The following P2RX7 variants were observed in gnomAD, a reference collection of about 807,000 sequenced individuals.
P2RX7 encodes the protein P2X purinoceptor 7.
P2RX7 carries 62 observed loss-of-function variants against 71.6 expected under a neutral mutation model. The ratio of observed to expected loss-of-function variants is 0.87; its 90% CI spans 0.71 to 1.07. P2RX7 has a LOEUF of 1.07. Ranked by LOEUF, P2RX7 falls within the 50% of genes least tolerant of loss-of-function variation. P2RX7 has a pLI of 0.00. For synonymous variants in P2RX7, 299 were observed against 283.3 expected, an observed-to-expected ratio of 1.06 and a Z score of -0.56; for missense variants, 686 against 748.5, an observed-to-expected ratio of 0.92 and a Z score of 0.97.
In P2RX7 at chr12:121,149,375, T is replaced by C. The variant is rs1876916518; in HGVS notation, c.126-5410T>C. Reference sequence around the variant, plus strand: ...AAAGACATACCCAAGACCAGGTAATTTATAAAGGAAAGAGGTTTAATGGGC... The same window carrying C: ...AAAGACATACCCAAGACCAGGTAATCTATAAAGGAAAGAGGTTTAATGGGC... On this transcript the variant is annotated intron_variant, in intron 1 of 12. Coordinates refer to ENST00000328963, the MANE Select transcript of P2RX7 (RefSeq NM_002562.6). This position sits in a 1 kb window ranked among gnomAD's most constrained non-coding sequence, Gnocchi z 4.7. Among the ~76,000 whole-genome samples the C allele has an allele frequency of 6.6e-6, 1 of 152,122 alleles. No individual in the cohort carries two copies. Among genetic ancestry groups the C allele is most frequent in the Admixed American group, 6.5e-5 (1 of 15,272 alleles).
rs1881361964 is a variant in P2RX7 at position 121,167,609 on chromosome 12, C to T, written c.866C>T (p.Pro289Leu). 1 of 1,587,218 alleles carries T rather than the reference C, an allele frequency of 6.3e-7. No individual in the cohort carries two copies. Reference sequence around the variant, plus strand: ...AAGACCACCAACGTGTCCTTGTACCCTGGCTACAACTTCAGGTAACTCCAA... The same window carrying T: ...AAGACCACCAACGTGTCCTTGTACCTTGGCTACAACTTCAGGTAACTCCAA... Reference protein sequence around the residue: ...DDKTTNVSLYPGYNFRYAKYY... With the variant: ...DDKTTNVSLYLGYNFRYAKYY... Residue 289 changes from proline (P) to leucine (L), a missense_variant, in exon 8 of 13, where the codon CCT becomes CTT. Pro to Leu is a moderately conservative substitution (Grantham distance 98). Transcript: ENST00000328963.
At chr12:121,172,833 CT>C (rs1326355381) in intron 8 of P2RX7, among the ~76,000 whole-genome samples, 1 of 152,196 alleles carries the variant, frequency 6.6e-6, no homozygotes, top group Non-Finnish European at 1.5e-5. Flanking sequence ...ATGTTTCTTA[CT>C]ATTTTTTGGC....
In P2RX7 at chr12:121,146,287, CTTTTTTTTTTTTT is replaced by C. The variant is rs35415599; in HGVS notation, c.126-8481_126-8469del. On this transcript the variant is annotated intron_variant, in intron 1 of 12. Coordinates refer to ENST00000328963, the MANE Select transcript of P2RX7 (RefSeq NM_002562.6). ...CCATCCTCTTATTTGTCAAGCCTCTCTTTTTTTTTTTTTTTTTTTTTTTTTTTTTGAGGAGTCT... is the reference window on the plus strand; with the variant it reads ...CCATCCTCTTATTTGTCAAGCCTCTCTTTTTTTTTTTTTTTTGAGGAGTCT... Among the ~76,000 whole-genome samples the C allele has an allele frequency of 1.9e-4, 15 of 80,482 alleles. 1 individual carries two copies. The highest frequency in any genetic ancestry group is 9.6e-4 in the African/African-American group (14 of 14,588). 52.8% of individuals were successfully genotyped at this position (80,482 alleles called of 152,430 possible).
chr12:121,168,836 A>G (rs1014586916), intron 8 of P2RX7, among the ~76,000 whole-genome samples: 1 of 152,200 alleles, frequency 6.6e-6, no homozygotes, highest in Non-Finnish European at 1.5e-5. Context: ...CACAGTGTGC[A>G]TCTTTGCACA....
In P2RX7 at chr12:121,132,977, G is replaced by A. The variant is rs780096927; in HGVS notation, c.7G>A (p.Ala3Thr). The stretch of plus-strand genomic sequence containing the variant: ...AGGGAGGGAGGCTGTCACCATGCCG[G>A]CCTGCTGCAGCTGCAGTGATGTTTT... MP[A>T]CCSCSDVFQY... Residue 3 changes from alanine to threonine, a missense_variant, in exon 1 of 13, where the codon GCC becomes ACC. By Grantham distance (58) the Ala-to-Thr change is moderately conservative. Coordinates refer to ENST00000328963, the MANE Select transcript of P2RX7 (RefSeq NM_002562.6). 4 of 1,613,598 alleles carry A rather than the reference G, an allele frequency of 2.5e-6. No individual in the cohort carries two copies. The Admixed American group carries it at 5.0e-5, about 20-fold the overall frequency.
At chr12:121,150,771 C>T (rs1877218875) in intron 1 of P2RX7, among the ~76,000 whole-genome samples, 2 of 152,046 alleles carry the variant, frequency 1.3e-5, no homozygotes, top group African/African-American at 4.8e-5. Flanking sequence ...TAGCTGGGCA[C>T]GATGGTGGAT....
intron 8 of P2RX7, 59 bp from the exon 9 acceptor site, chr12:121,175,329 A>AAAAAAAAT (rs1882919706): frequency 9.8e-7 from 1 of 1,015,434 alleles, no homozygotes; most frequent in Non-Finnish European, 1.5e-6. Flanking sequence ...AAAAAAAAAA[A>AAAAAAAAT]CCCAAAACCC....
intron 5 of P2RX7, 28 bp downstream of exon 5, chr12:121,162,548 T>C (rs1033989199): frequency 6.2e-7 from 1 of 1,608,698 alleles, no homozygotes; most frequent in Admixed American, 1.7e-5. Flanking sequence ...ACAGACACAG[T>C]GGCCCTCAGC....
chr12:121,143,744 C>T (rs1356704832), intron 1 of P2RX7, among the ~76,000 whole-genome samples: 1 of 151,088 alleles, frequency 6.6e-6, no homozygotes, highest in South Asian at 2.1e-4. Flanking sequence ...CCCAGCTACT[C>T]GGGAGGCTGA....
intron 11 of P2RX7, 97 bp downstream of exon 11, chr12:121,177,543 C>A: frequency 8.4e-7 from 1 of 1,193,178 alleles, no homozygotes; most frequent in South Asian, 1.3e-5. Flanking sequence ...CAGGCTTCAT[C>A]CTGTAGTGGA....
Position 121,187,909 on chromosome 12 carries a change from G to A in P2RX7, c.*3107G>A, listed in dbSNP as rs551026328. ...TCTTGGCTGATTTCACATAGCATTG[G>A]TAATAGACATGCATTTCTCTTTCTA... On this transcript the variant is annotated 3_prime_UTR_variant, in exon 13 of 13. Transcript: ENST00000328963. The A allele has an allele frequency of 1.5e-4, 23 of 152,158 alleles. No homozygotes were observed. Among genetic ancestry groups the A allele is most frequent in the African/African-American group, 4.8e-4 (20 of 41,494 alleles). 9.4% of individuals were successfully genotyped at this position (152,158 alleles called of 1,614,324 possible).
rs530101112 is a variant in P2RX7, at chr12:121,149,872, C to T, written c.126-4913C>T. On this transcript the variant is annotated intron_variant, in intron 1 of 12. Coordinates refer to ENST00000328963, the MANE Select transcript of P2RX7 (RefSeq NM_002562.6). The surrounding 1 kb of genome is among the most constrained non-coding windows in gnomAD (Gnocchi z 4.7). ...GGTGCACACCACCACACCCCCACAA[C>T]TTACCCATCCTCCCCGGCTCAGTGA... Among the ~76,000 whole-genome samples, 57 of 152,296 alleles carry T rather than the reference C, an allele frequency of 3.7e-4. No individual in the cohort carries two copies. The highest frequency in any genetic ancestry group is 1.3e-3 in the African/African-American group (53 of 41,566).
At chr12:121,161,067 C>T in intron 4 of P2RX7, 93 bp downstream of exon 4, 1 of 929,000 alleles carries the variant, frequency 1.1e-6, no homozygotes, top group Non-Finnish European at 1.8e-6. Flanking sequence ...TCAGCCTCTG[C>T]TCTCAGCTGC....
chr12:121,166,887 C>CAAAAA (rs59533773), intron 7 of P2RX7, among the ~76,000 whole-genome samples: 9 of 107,688 alleles, frequency 8.4e-5, no homozygotes, highest in African/African-American at 3.0e-4. Flanking sequence ...ACTAAAAATA[C>CAAAAA]AAAAAAAAAA....
chr12:121,170,146 A>G (rs1309303049), intron 8 of P2RX7, among the ~76,000 whole-genome samples: 1 of 152,202 alleles, frequency 6.6e-6, no homozygotes, highest in African/African-American at 2.4e-5. Context: ...CAATGGAACC[A>G]GCTCCTAATT....
intron 1 of P2RX7, among the ~76,000 whole-genome samples, chr12:121,145,222 C>T (rs1875877312): frequency 6.6e-6 from 1 of 152,220 alleles, no homozygotes; most frequent in Non-Finnish European, 1.5e-5. Context: ...GGAGTAGCCA[C>T]GGCGATCCAG....
chr12:121,182,503 C>T (rs116952507), intron 12 of P2RX7, among the ~76,000 whole-genome samples: 4,477 of 152,240 alleles, frequency 0.029, 124 homozygotes, highest in Non-Finnish European at 0.041. Flanking sequence ...AGGCTGCAAA[C>T]CTGTACAGCA....
intron 11 of P2RX7, among the ~76,000 whole-genome samples, chr12:121,178,494 T>G (rs1883531971): frequency 6.6e-6 from 1 of 152,158 alleles, no homozygotes; most frequent in Admixed American, 6.6e-5. Context: ...ACAGAAAGGT[T>G]AAATAATTGG....
intron 1 of P2RX7, among the ~76,000 whole-genome samples, chr12:121,147,599 T>G (rs941916422): frequency 8.6e-5 from 13 of 151,544 alleles, no homozygotes; most frequent in Admixed American, 1.3e-4. Context: ...GGCAGTTTTT[T>G]TTGTTGTTGT....
Sources: gnomAD v4.1 joint callset for allele counts (sites outside exome capture counted in the v4.1 genomes callset) on GRCh38, gnomAD v4.1.1 for gene constraint, Gnocchi (gnomAD v3.1) non-coding constraint, MANE v1.5 for transcripts, NCBI Gene and HGNC (gene_info 2026-07-23, HGNC 2026-07-21) for gene names.